The following SNRNP40 variants were observed in gnomAD, a reference collection of about 807,000 sequenced individuals.
SNRNP40 encodes small nuclear ribonucleoprotein U5 subunit 40.
A neutral mutation model predicts 45.8 loss-of-function variants in SNRNP40; 21 were observed. That is an observed-to-expected ratio of 0.46 (90% CI 0.32 to 0.66). The LOEUF (loss-of-function observed/expected upper bound fraction) is 0.66, where lower values mean the gene tolerates loss of function less well. SNRNP40 is among the 30% of genes least tolerant of loss of function. The probability of loss-of-function intolerance (pLI) is 0.03; values close to 1 mark genes in which losing one functional copy is unlikely to be tolerated. For synonymous variants in SNRNP40, 142 were observed against 163.8 expected (o/e 0.87, Z 1.01); for missense variants, 344 against 439.1 (o/e 0.78, Z 1.94).
intron 4 of SNRNP40, among the ~76,000 whole-genome samples, chr1:31,285,404 C>CT (rs1454769664): frequency 3.9e-5 from 6 of 151,992 alleles, no homozygotes; most frequent in Admixed American, 1.3e-4. Context: ...CCATGCCCGG[C>CT]TTTTTTGTAT....
chr1:31,264,105 C>G (rs1261292243), intron 8 of SNRNP40, among the ~76,000 whole-genome samples: 1 of 152,056 alleles, frequency 6.6e-6, no homozygotes, highest in Non-Finnish European at 1.5e-5. Context: ...AACAACTCAC[C>G]AGTACTTGAT....
intron 2 of SNRNP40, among the ~76,000 whole-genome samples, chr1:31,292,331 C>T (rs975270896): frequency 2.6e-5 from 4 of 152,194 alleles, no homozygotes; most frequent in African/African-American, 9.7e-5. Context: ...CACGGCACTC[C>T]AACCTGGGTG....
intron 1 of SNRNP40, among the ~76,000 whole-genome samples, chr1:31,295,929 G>A (rs1197972517): frequency 2.0e-5 from 3 of 152,192 alleles, no homozygotes; most frequent in Non-Finnish European, 4.4e-5. Flanking sequence ...GTATTTCCTC[G>A]TCTGAGCCTA....
chr1:31,285,033 G>A (rs1646047130), intron 4 of SNRNP40, among the ~76,000 whole-genome samples: 1 of 152,036 alleles, frequency 6.6e-6, no homozygotes, highest in Non-Finnish European at 1.5e-5. Context: ...CTTCACTCAG[G>A]TCAAATCTAT....
chr1:31,296,501 AC>A, intron 1 of SNRNP40, 109 bp downstream of exon 1: 2 of 1,366,280 alleles, frequency 1.5e-6, no homozygotes, highest in Non-Finnish European at 2.0e-6. Flanking sequence ...CTGCGTAGAA[AC>A]TCTCGTTCTG....
intron 8 of SNRNP40, among the ~76,000 whole-genome samples, chr1:31,262,058 A>C (rs1042365391): frequency 7.2e-5 from 11 of 152,174 alleles, no homozygotes. Flanking sequence ...ATCCAGATGA[A>C]CTTTTTAGTA....
Position 31,296,723 on chromosome 1 carries a change from G to C in SNRNP40, c.29C>G (p.Pro10Arg). Residue 10 changes from proline (P) to arginine (R), a missense_variant, in exon 1 of 10, where the codon CCA (proline) becomes CGA (arginine). Physicochemically the swap from Pro to Arg is moderately radical, Grantham distance 103. Coordinates refer to ENST00000263694, the MANE Select transcript of SNRNP40 (RefSeq NM_004814.3). Reference protein sequence around the residue: MIEQQKRKGPELPLVPVKRQ... With the variant: MIEQQKRKGRELPLVPVKRQ... ...CTTGACTGGAACCAGCGGCAACTCT[G>C]GGCCCTTACGCTTCTGCTGTTCTAT... The C allele has an allele frequency of 6.2e-7, 1 of 1,612,748 alleles. No homozygotes were observed. The highest frequency in any genetic ancestry group is 8.5e-7 in the Non-Finnish European group (1 of 1,179,412).
chr1:31,280,405 A>G (rs1366963563), intron 5 of SNRNP40, among the ~76,000 whole-genome samples: 1 of 151,480 alleles, frequency 6.6e-6, no homozygotes, highest in East Asian at 2.0e-4. Context: ...CTTGTGATCC[A>G]CCCGCCTCGG....
chr1:31,273,203 G>A (rs951289555), intron 5 of SNRNP40, among the ~76,000 whole-genome samples: 4 of 152,148 alleles, frequency 2.6e-5, no homozygotes, highest in Non-Finnish European at 4.4e-5. Flanking sequence ...CTTCTGAGAA[G>A]GCACTGTTGA....
intron 8 of SNRNP40, among the ~76,000 whole-genome samples, chr1:31,264,514 A>C (rs983954773): frequency 6.6e-6 from 1 of 152,166 alleles, no homozygotes; most frequent in African/African-American, 2.4e-5. Context: ...AGATCATTTA[A>C]CTTCTCTAAG....
chr1:31,293,177 C>G, intron 2 of SNRNP40, 42 bp downstream of exon 2: 1 of 1,610,744 alleles, frequency 6.2e-7, no homozygotes, highest in South Asian at 1.1e-5. Flanking sequence ...AAATCACTAT[C>G]TGGCAGGAAA....
At chr1:31,292,522 A>G (rs1646115011) in intron 2 of SNRNP40, among the ~76,000 whole-genome samples, 1 of 152,220 alleles carries the variant, frequency 6.6e-6, no homozygotes, top group Admixed American at 6.5e-5. Flanking sequence ...ATCCAAATCA[A>G]AATGGGCAGT....
chr1:31,265,017 C>G (rs1471040512), intron 8 of SNRNP40, among the ~76,000 whole-genome samples: 1 of 152,206 alleles, frequency 6.6e-6, no homozygotes, highest in African/African-American at 2.4e-5. Flanking sequence ...TTATGTAACA[C>G]AGCTGCTTCT....
rs549523021 is a variant in SNRNP40 at position 31,290,680 on chromosome 1, A to G, written c.365+1233T>C. On this transcript the variant is annotated intron_variant, in intron 3 of 9. Coordinates refer to ENST00000263694, the MANE Select transcript of SNRNP40 (RefSeq NM_004814.3). ...ATCACAAGGTCAGGAGATCGAGACC[A>G]TCCTGGCTAACACGGTGAAACCCCA... is the stretch of plus-strand genomic sequence containing the variant. 3.3e-3 allele frequency among the ~76,000 whole-genome samples: 497 copies of G among 152,050 alleles called. 2 individuals carry two copies. The highest frequency in any genetic ancestry group is 5.7e-3 in the Non-Finnish European group (390 of 67,996).
Position 31,271,470 on chromosome 1 carries a change from G to C in SNRNP40, c.684C>G (p.Thr228=), listed in dbSNP as rs1645937759. The change falls in exon 6 of 10, where the codon ACC becomes ACG. Residue 228 remains threonine (T), a synonymous_variant. Transcript: ENST00000263694. ...AATCTGCATGGCCTCTCATGGTGTA[G>C]GTTAGCTTGTTCTGGCGCAGGTCCC... ...KVWDLRQNKL[T]YTMRGHADSV... 1 of 1,613,726 alleles carries C rather than the reference G, an allele frequency of 6.2e-7. No individual in the cohort carries two copies. Among genetic ancestry groups the C allele is most frequent in the Non-Finnish European group, 8.5e-7 (1 of 1,179,920 alleles).
chr1:31,280,447 C>T (rs1022136874), intron 5 of SNRNP40, among the ~76,000 whole-genome samples: 10 of 151,874 alleles, frequency 6.6e-5, no homozygotes, highest in Non-Finnish European at 1.2e-4. Context: ...CAGGTGTGAG[C>T]CACCACACCT....
rs1016271220 is a variant in SNRNP40 at position 31,259,970 on chromosome 1, A to T, written c.*102T>A. 10 of 860,602 alleles carry T rather than the reference A, an allele frequency of 1.2e-5. No homozygotes were observed. The African/African-American group carries it at 1.3e-4, about 11-fold the overall frequency. The allele number at this position is 860,602 out of a possible 1,614,324, so 53.3% of individuals were successfully genotyped here. ...CTCCTGTTTCTTGCTAGCAATGGTC[A>T]TCTGAAGGGAGGGTGCTAGCCTGGA... is the stretch of plus-strand genomic sequence containing the variant. On this transcript the variant is annotated 3_prime_UTR_variant, in exon 10 of 10. Transcript: ENST00000263694.
chr1:31,294,285 A>C (rs151126813), intron 1 of SNRNP40, among the ~76,000 whole-genome samples: 7 of 151,954 alleles, frequency 4.6e-5, no homozygotes, highest in African/African-American at 9.7e-5. Flanking sequence ...TTTTCATAGC[A>C]AACGGATCCT....
At chr1:31,280,187 T>C (rs1198158492) in intron 5 of SNRNP40, among the ~76,000 whole-genome samples, 3 of 141,692 alleles carry the variant, frequency 2.1e-5, no homozygotes, top group Non-Finnish European at 4.6e-5. Context: ...TTTTTGGAGA[T>C]GGAGTCTTGC....
Sources: allele counts gnomAD v4.1 joint callset (sites outside exome capture counted in the v4.1 genomes callset), GRCh38; gene constraint gnomAD v4.1.1; transcripts MANE v1.5; gene names NCBI Gene and HGNC (gene_info 2026-07-23, HGNC 2026-07-21).